Variants in DPEP2 observed in about 807,000 individuals in gnomAD.
DPEP2 encodes dipeptidase 2.
Under a neutral mutation model 51.8 loss-of-function variants are expected in DPEP2, and 45 were observed. The ratio of observed to expected loss-of-function variants is 0.87; its 90% confidence interval spans 0.68 to 1.11. The LOEUF (loss-of-function observed/expected upper bound fraction) is 1.11, where lower values mean the gene tolerates loss of function less well. Ranked by LOEUF, DPEP2 falls within the 50% of genes most tolerant of loss-of-function variation. DPEP2 has a pLI of 0.00. For missense variants in DPEP2, 604 were observed against 631.9 expected, an observed-to-expected ratio of 0.96 and a Z score of 0.47; for synonymous variants, 255 against 262.7, an observed-to-expected ratio of 0.97 and a Z score of 0.28.
At chr16:68,000,516 T>C (rs1598286957), upstream of DPEP2, 1 of 984,352 alleles carries the variant, frequency 1.0e-6, no homozygotes, top group East Asian at 1.1e-4. Context: ...AGACTCATGC[T>C]TCCCTTTGAT....
At chr16:67,989,578 G>T (rs2031864604) in intron 8 of DPEP2, among the ~76,000 whole-genome samples, 180 bp from the exon 9 acceptor site, 1 of 152,228 alleles carries the variant, frequency 6.6e-6, no homozygotes, top group African/African-American at 2.4e-5. Context: ...AATGGATTCA[G>T]CTGGTTCTGG....
intron 9 of DPEP2, among the ~76,000 whole-genome samples, chr16:67,988,759 T>A (rs2151362301): frequency 6.6e-6 from 1 of 151,714 alleles, no homozygotes; most frequent in Middle Eastern, 3.4e-3. Flanking sequence ...CTGCCAAAAA[T>A]AAAATTATCT....
rs940929687 is a variant in DPEP2, at chr16:67,987,399, A to G, written c.*107T>C. The G allele has an allele frequency of 2.3e-5, 34 of 1,473,942 alleles. No homozygotes were observed. The highest frequency in any genetic ancestry group is 1.5e-4 in the Admixed American group (7 of 48,182). 91.3% of individuals were successfully genotyped at this position (1,473,942 alleles called of 1,614,324 possible). Reference sequence around the variant, plus strand: ...GAGAAGGAAACTCAGGTCTGTTTCTATGTCCAAAACATTTATTTCAGGAAA... The same window carrying G: ...GAGAAGGAAACTCAGGTCTGTTTCTGTGTCCAAAACATTTATTTCAGGAAA... On this transcript the variant is annotated 3_prime_UTR_variant, in exon 11 of 11. Coordinates refer to ENST00000393847, the MANE Select transcript of DPEP2 (RefSeq NM_022355.4).
rs574232229 is a variant in DPEP2, at chr16:67,993,734, T to C, written c.-45-477A>G. ...ACATGTGTCCCTGTGACCACAGTGCTCTGGGCTCTGGATTTCCTGGTGCTG... is the reference window on the plus strand; with the variant it reads ...ACATGTGTCCCTGTGACCACAGTGCCCTGGGCTCTGGATTTCCTGGTGCTG... On this transcript the variant is annotated intron_variant, in intron 1 of 10. Coordinates refer to ENST00000393847, the MANE Select transcript of DPEP2 (RefSeq NM_022355.4). The C allele has an allele frequency of 7.2e-5, 71 of 986,036 alleles. 1 individual carries two copies. In the African/African-American group the frequency reaches 1.2e-3, roughly 16 times the overall value. The allele number at this position is 986,036 out of a possible 1,614,324, so 61.1% of individuals were successfully genotyped here. A position where few individuals can be genotyped will look rare whatever the true frequency, so the allele number is the denominator to read the frequency against.
chr16:67,994,243 T>A (rs1197671748), intron 1 of DPEP2: 1 of 985,292 alleles, frequency 1.0e-6, no homozygotes, highest in East Asian at 1.1e-4. Flanking sequence ...AGGTCAGGAG[T>A]AAGGGGCCTG....
At position 67,998,450 on chromosome 16, in the gene DPEP2, G is replaced by C. The variant is rs371887938; in HGVS notation, c.-46+925C>G. ...CTCACCGGGCCTTAGCTGCCTTCCC[G>C]GGGGGGCAGGGCTCGGGACCTGCAG... is the stretch of plus-strand genomic sequence containing the variant. On this transcript the variant is annotated intron_variant, in intron 1 of 10. Coordinates refer to ENST00000393847, the MANE Select transcript of DPEP2 (RefSeq NM_022355.4). Among the ~76,000 whole-genome samples the C allele has an allele frequency of 6.1e-3, 933 of 152,248 alleles. 5 individuals carry two copies. Among genetic ancestry groups the C allele is most frequent in the African/African-American group, 0.021 (863 of 41,558 alleles).
intron 10 of DPEP2, 35 bp downstream of exon 10, chr16:67,987,817 A>T: frequency 6.2e-7 from 1 of 1,613,668 alleles, no homozygotes; most frequent in Non-Finnish European, 8.5e-7. Flanking sequence ...ACTTGCTCAG[A>T]CCCCTCGGCT....
In DPEP2 at chr16:67,992,875, C is replaced by G. The variant is rs1287044412; in HGVS notation, c.263+75G>C. Reference sequence around the variant, plus strand: ...TGGTGTGAGGGAGCCTCCTCCACAGCCCTGCATACTCTGGGACCCTCCCTT... The same window carrying G: ...TGGTGTGAGGGAGCCTCCTCCACAGGCCTGCATACTCTGGGACCCTCCCTT... On this transcript the variant is annotated intron_variant, in intron 2 of 10. Transcript: ENST00000393847. 4 of 1,529,874 alleles carry G rather than the reference C, an allele frequency of 2.6e-6. No homozygotes were observed. The African/African-American group carries it at 4.1e-5, about 16-fold the overall frequency. 94.8% of individuals were successfully genotyped at this position (1,529,874 alleles called of 1,614,324 possible).
At chr16:67,994,195 A>T (rs892624230) in intron 1 of DPEP2, 2 of 985,304 alleles carry the variant, frequency 2.0e-6, no homozygotes, top group African/African-American at 3.5e-5. Context: ...GCTGGCCAGG[A>T]TACCTCCTAC....
chr16:68,000,588 C>T (rs536551210), upstream of DPEP2: 1,015 of 808,386 alleles, frequency 1.3e-3, 4 homozygotes, highest in South Asian at 8.0e-3. Flanking sequence ...CAATAGTCTT[C>T]CAAGCCAGAA....
Position 67,991,270 on chromosome 16 carries a change from A to C in DPEP2, c.663-86T>G, listed in dbSNP as rs1598265806. On this transcript the variant is annotated intron_variant, in intron 5 of 10. Transcript: ENST00000393847. This position sits in a 1 kb window ranked among gnomAD's most constrained non-coding sequence, Gnocchi z 5.1. ...GGCCCTACCCACCCTCCATCCCTGC[A>C]CCCCCCTGAAACAAAAACAGGGATC... 1 of 1,376,582 alleles carries C rather than the reference A, an allele frequency of 7.3e-7. No individual in the cohort carries two copies. 85.3% of individuals were successfully genotyped at this position (1,376,582 alleles called of 1,614,324 possible).
chr16:67,989,222 G>T, intron 9 of DPEP2, 101 bp downstream of exon 9: 1 of 1,269,348 alleles, frequency 7.9e-7, no homozygotes, highest in South Asian at 1.3e-5. Context: ...AACTGATCCC[G>T]GGAGTGTGGT....
Position 67,999,321 on chromosome 16 carries a change from G to A in DPEP2, c.-46+54C>T, listed in dbSNP as rs188826440. The A allele has an allele frequency of 2.1e-5, 5 of 238,330 alleles. No individual in the cohort carries two copies. The East Asian group carries it at 7.3e-4, about 35-fold the overall frequency. The allele number at this position is 238,330 out of a possible 1,614,324, so 14.8% of individuals were successfully genotyped here. A position where few individuals can be genotyped will look rare whatever the true frequency, so the allele number is the denominator to read the frequency against. On this transcript the variant is annotated intron_variant, in intron 1 of 10. Coordinates refer to ENST00000393847, the MANE Select transcript of DPEP2 (RefSeq NM_022355.4). ...CAACAAGACCACAAACCCACCAGAAGGAAGAAACTCCAAACATCCAAACAT... is the reference window on the plus strand; with the variant it reads ...CAACAAGACCACAAACCCACCAGAAAGAAGAAACTCCAAACATCCAAACAT...
rs1220585881 is a variant in DPEP2 at position 67,993,257 on chromosome 16, C to G, written c.-45G>C. Reference sequence around the variant, plus strand: ...GCAGGCAGGGGTGGCAGTCAGAGAGCCTGAGAGGGGCGGGCGAGGGGCAGA... The same window carrying G: ...GCAGGCAGGGGTGGCAGTCAGAGAGGCTGAGAGGGGCGGGCGAGGGGCAGA... On this transcript the variant is annotated splice_region_variant and 5_prime_UTR_variant, in exon 2 of 11. Coordinates refer to ENST00000393847, the MANE Select transcript of DPEP2 (RefSeq NM_022355.4). The G allele has an allele frequency of 1.4e-6, 2 of 1,402,016 alleles. No individual in the cohort carries two copies. Among genetic ancestry groups the G allele is most frequent in the Non-Finnish European group, 1.9e-6 (2 of 1,075,986 alleles). 86.8% of individuals were successfully genotyped at this position (1,402,016 alleles called of 1,614,324 possible). A position where few individuals can be genotyped will look rare whatever the true frequency, so the allele number is the denominator to read the frequency against.
At chr16:67,994,414 G>A in intron 1 of DPEP2, 1 of 984,852 alleles carries the variant, frequency 1.0e-6, no homozygotes, top group African/African-American at 1.7e-5. Context: ...CCTCCTCCAG[G>A]AAGGACCCCC....
At position 67,992,145 on chromosome 16, in the gene DPEP2, G is replaced by A. The variant is rs1462454600; in HGVS notation, c.439C>T (p.Arg147Cys). Residue 147 changes from arginine to cysteine, a missense_variant, in exon 4 of 11, where the codon CGC becomes TGC. By Grantham distance (180) the Arg-to-Cys change is radical. Coordinates refer to ENST00000393847, the MANE Select transcript of DPEP2 (RefSeq NM_022355.4). ...PCQTQDRDAL[R>C]LTLEQIDLIR... The stretch of plus-strand genomic sequence containing the variant: ...AGGTCAATCTGCTCCAGGGTGAGGC[G>A]CAGGGCATCCCGGTCCTGGGTCTGG... The A allele has an allele frequency of 8.7e-6, 14 of 1,614,182 alleles. No individual in the cohort carries two copies. The highest frequency in any genetic ancestry group is 1.6e-4 in the Middle Eastern group (1 of 6,062).
intron 1 of DPEP2, among the ~76,000 whole-genome samples, chr16:67,996,632 A>G (rs943708627): frequency 6.6e-6 from 1 of 151,706 alleles, no homozygotes; most frequent in African/African-American, 2.4e-5. Context: ...TCCACCCACC[A>G]CGGCCTCCCA....
At chr16:67,993,311 TCAGGCCAC>T (rs2032426273) in intron 1 of DPEP2, 54 bp from the exon 2 acceptor site, 4 of 1,334,018 alleles carry the variant, frequency 3.0e-6, no homozygotes, top group Non-Finnish European at 3.8e-6. Context: ...GACCCTCGAT[TCAGGCCAC>T]CTGGCGGCGT....
In DPEP2 at chr16:67,989,849, G is replaced by A. The variant is rs569016868; in HGVS notation, c.994+198C>T. ...AGAGGCGCAGATAGTTAGCACTCAG[G>A]TTCTATGTGTGGCTTCCTCCCTTAT... On this transcript the variant is annotated intron_variant, in intron 8 of 10. Coordinates refer to ENST00000393847, the MANE Select transcript of DPEP2 (RefSeq NM_022355.4). 3.3e-5 allele frequency among the ~76,000 whole-genome samples: 5 copies of A among 152,326 alleles called. No individual in the cohort carries two copies. In the East Asian group the frequency reaches 9.7e-4, roughly 29 times the overall value.
Sources: allele counts gnomAD v4.1 joint callset (sites outside exome capture counted in the v4.1 genomes callset), GRCh38; gene constraint gnomAD v4.1.1; non-coding constraint Gnocchi (gnomAD v3.1); transcripts MANE v1.5; gene names NCBI Gene and HGNC (gene_info 2026-07-23, HGNC 2026-07-21).